The following DGKB variants were observed in gnomAD, a reference collection of about 807,000 sequenced individuals.
DGKB encodes 90 kDa diacylglycerol kinase.
DGKB carries 67 observed loss-of-function variants against 114.3 expected under a neutral mutation model. That is an observed-to-expected ratio of 0.59 (90% CI 0.48 to 0.72). The LOEUF (loss-of-function observed/expected upper bound fraction) is 0.72, where lower values mean the gene tolerates loss of function less well. Among genes scored for constraint, DGKB ranks in the 30% least tolerant of loss-of-function variants. The probability of loss-of-function intolerance (pLI) is 0.00; values close to 1 mark genes in which losing one functional copy is unlikely to be tolerated. For missense variants in DGKB, 907 were observed against 975.2 expected (o/e 0.93, Z 0.93); for synonymous variants, 398 against 323.1 (o/e 1.23, Z -2.49).
intron 1 of DGKB, among the ~76,000 whole-genome samples, chr7:14,911,768 G>C (rs891899093): frequency 4.6e-5 from 7 of 152,232 alleles, no homozygotes; most frequent in African/African-American, 1.7e-4. Flanking sequence ...CGACAACGCT[G>C]TTTCATTTGA....
chr7:14,177,582 T>TAAAAAAAAA (rs1781970211), intron 24 of DGKB, among the ~76,000 whole-genome samples: 1 of 111,832 alleles, frequency 8.9e-6, no homozygotes, highest in Non-Finnish European at 1.9e-5. Flanking sequence ...AAAAAAAAAT[T>TAAAAAAAAA]GGGGGGAAAT....
At chr7:14,563,618 T>C (rs1426599490) in intron 20 of DGKB, among the ~76,000 whole-genome samples, 1 of 151,276 alleles carries the variant, frequency 6.6e-6, no homozygotes, top group Non-Finnish European at 1.5e-5. Flanking sequence ...TTTTAAATTA[T>C]CTGTCAGATA....
At chr7:14,493,793 C>G (rs537022620) in intron 20 of DGKB, among the ~76,000 whole-genome samples, 1 of 151,986 alleles carries the variant, frequency 6.6e-6, no homozygotes, top group East Asian at 1.9e-4. Context: ...TAACTGAAAC[C>G]GTGGAAAGCA....
chr7:14,627,584 G>A (rs1405591434), intron 14 of DGKB, among the ~76,000 whole-genome samples: 1 of 127,612 alleles, frequency 7.8e-6, no homozygotes, highest in African/African-American at 3.2e-5. Flanking sequence ...GTATGTCTGT[G>A]TCTGTGTGTG....
chr7:14,966,211 T>C (rs1446532237), intron 1 of DGKB, among the ~76,000 whole-genome samples: 1 of 152,078 alleles, frequency 6.6e-6, no homozygotes. Context: ...ACAATTTGAC[T>C]CTTAAATTTG....
intron 1 of DGKB, among the ~76,000 whole-genome samples, chr7:14,940,887 T>C (rs1012318312): frequency 7.2e-5 from 11 of 152,122 alleles, no homozygotes; most frequent in African/African-American, 2.7e-4. Context: ...ATTCCAAGTA[T>C]TTTATTTTAT....
intron 1 of DGKB, among the ~76,000 whole-genome samples, chr7:14,934,065 G>A (rs955942846): frequency 1.3e-5 from 2 of 152,012 alleles, no homozygotes; most frequent in Admixed American, 6.6e-5. Context: ...CCCTTTTGTT[G>A]TTTTATTTCT....
chr7:14,791,990 G>A (rs903420855), intron 2 of DGKB, among the ~76,000 whole-genome samples: 2 of 152,060 alleles, frequency 1.3e-5, no homozygotes, highest in Non-Finnish European at 2.9e-5. Context: ...ATGAATTGCT[G>A]AGTATTCCCT....
intron 20 of DGKB, among the ~76,000 whole-genome samples, chr7:14,568,833 C>A (rs1563540846): frequency 6.6e-6 from 1 of 152,026 alleles, no homozygotes. Context: ...AAATAAGGGA[C>A]GATAGTTGAA....
intron 20 of DGKB, 102 bp from the exon 21 acceptor site, chr7:14,478,327 T>C (rs1782495989): frequency 2.9e-6 from 2 of 689,696 alleles, no homozygotes; most frequent in Non-Finnish European, 4.5e-6. Flanking sequence ...AATGAACTTT[T>C]ATTTACAATA....
intron 1 of DGKB, among the ~76,000 whole-genome samples, chr7:14,857,432 A>C (rs528163556): frequency 6.6e-6 from 1 of 152,264 alleles, no homozygotes; most frequent in South Asian, 2.1e-4. Flanking sequence ...CAACCTTGTG[A>C]GACGTTAAGC....
At chr7:14,692,500 A>G (rs1225671590) in intron 9 of DGKB, among the ~76,000 whole-genome samples, 1 of 151,996 alleles carries the variant, frequency 6.6e-6, no homozygotes, top group African/African-American at 2.4e-5. Context: ...GTTTTCTCCC[A>G]GTAGTCTGAT....
intron 20 of DGKB, among the ~76,000 whole-genome samples, chr7:14,507,413 G>A (rs1249235653): frequency 1.3e-5 from 2 of 152,050 alleles, no homozygotes; most frequent in Non-Finnish European, 2.9e-5. Context: ...ATTCTTTAAT[G>A]TGCCGTGTGA....
At chr7:14,685,775 G>A (rs1242302702) in intron 9 of DGKB, among the ~76,000 whole-genome samples, 1 of 152,094 alleles carries the variant, frequency 6.6e-6, no homozygotes, top group Non-Finnish European at 1.5e-5. Flanking sequence ...CTGCAAAGAC[G>A]TCATTAACCC....
chr7:14,511,650 A>T (rs542110611), intron 20 of DGKB, among the ~76,000 whole-genome samples: 3 of 152,322 alleles, frequency 2.0e-5, no homozygotes, highest in East Asian at 3.9e-4. Flanking sequence ...AACTTGAATA[A>T]CTGTTTGGCT....
intron 1 of DGKB, among the ~76,000 whole-genome samples, chr7:14,844,292 A>G (rs1479419776): frequency 2.6e-5 from 4 of 152,220 alleles, no homozygotes; most frequent in African/African-American, 7.2e-5. Flanking sequence ...CTTGTACTAA[A>G]TAGACAACTT....
At chr7:14,508,538 T>C (rs192121353) in intron 20 of DGKB, among the ~76,000 whole-genome samples, 16 of 152,264 alleles carry the variant, frequency 1.1e-4, no homozygotes, top group Non-Finnish European at 1.5e-4. Flanking sequence ...AAATTAGGTT[T>C]TGAATATATA....
At chr7:14,952,080 A>C (rs893682888) in intron 1 of DGKB, among the ~76,000 whole-genome samples, 1 of 152,064 alleles carries the variant, frequency 6.6e-6, no homozygotes, top group South Asian at 2.1e-4. Flanking sequence ...CAGTTAATCC[A>C]GTATGACTTT....
intron 23 of DGKB, among the ~76,000 whole-genome samples, chr7:14,301,720 G>A (rs6960014): frequency 0.8 from 122,284 of 152,094 alleles, 49,384 homozygotes; most frequent in South Asian, 0.92. Context: ...CACATTTGAA[G>A]GCTTAGAAGA....
Sources: gnomAD v4.1 joint callset for allele counts (sites outside exome capture counted in the v4.1 genomes callset) on GRCh38, gnomAD v4.1.1 for gene constraint, MANE v1.5 for transcripts, NCBI Gene and HGNC (gene_info 2026-07-23, HGNC 2026-07-21) for gene names.